CLSTN2: variants seen among roughly 807,000 people sequenced by gnomAD.
The protein encoded by CLSTN2 is calsyntenin-2.
In CLSTN2, 48 loss-of-function variants were observed where a neutral mutation model predicts 101.2. That is an observed-to-expected ratio of 0.47 (90% CI 0.38 to 0.60). CLSTN2 has a LOEUF of 0.60. Ranked by LOEUF, CLSTN2 falls within the 20% of genes least tolerant of loss-of-function variation. CLSTN2 has a pLI of 0.00. For synonymous variants in CLSTN2, 481 were observed against 463.6 expected (o/e 1.04, Z -0.48); for missense variants, 1,160 against 1,238.2 (o/e 0.94, Z 0.95).
intron 8 of CLSTN2, among the ~76,000 whole-genome samples, chr3:140,530,804 G>T (rs990766489): frequency 2.0e-5 from 3 of 152,160 alleles, no homozygotes; most frequent in East Asian, 1.9e-4. Context: ...TATGGTCAGG[G>T]TTACCTCACT....
At chr3:140,451,166 G>C (rs1933239677) in intron 6 of CLSTN2, among the ~76,000 whole-genome samples, 1 of 152,214 alleles carries the variant, frequency 6.6e-6, no homozygotes, top group African/African-American at 2.4e-5. Context: ...CTCCAGGTTA[G>C]GAAGAGATGA....
chr3:140,297,399 G>A (rs1025627654), intron 2 of CLSTN2, among the ~76,000 whole-genome samples: 1 of 152,142 alleles, frequency 6.6e-6, no homozygotes, highest in Non-Finnish European at 1.5e-5. Context: ...TAACGTAAAT[G>A]CCTTTGTTAC....
chr3:140,449,629 C>T (rs1049883921), intron 6 of CLSTN2: 3 of 152,132 alleles, frequency 2.0e-5, no homozygotes, highest in South Asian at 2.1e-4. Context: ...TGTCAACTGT[C>T]GTGGTGCTGG....
intron 2 of CLSTN2, among the ~76,000 whole-genome samples, chr3:140,314,036 T>A (rs2087203428): frequency 6.6e-6 from 1 of 151,866 alleles, no homozygotes. Context: ...TGACTGGGAG[T>A]TTTGACAGCA....
chr3:139,964,134 T>G (rs1383845539), intron 1 of CLSTN2, among the ~76,000 whole-genome samples: 4 of 152,202 alleles, frequency 2.6e-5, no homozygotes, highest in African/African-American at 9.7e-5. Context: ...TAAAATGTAA[T>G]TAGTATTTAT....
chr3:140,465,224 C>G (rs74850419), intron 7 of CLSTN2, among the ~76,000 whole-genome samples: 13,748 of 152,212 alleles, frequency 0.09, 793 homozygotes, highest in Middle Eastern at 0.15. Context: ...GTATCTAAGG[C>G]CTGGCTCCTT....
chr3:140,004,996 G>T (rs2006924972), intron 1 of CLSTN2, among the ~76,000 whole-genome samples: 1 of 152,178 alleles, frequency 6.6e-6, no homozygotes, highest in African/African-American at 2.4e-5. Context: ...GCATTAGGTG[G>T]TCTCTGTCTC....
chr3:140,315,450 T>C (rs777595569), intron 2 of CLSTN2, among the ~76,000 whole-genome samples: 48 of 152,336 alleles, frequency 3.2e-4, no homozygotes, highest in Admixed American at 7.2e-4. Context: ...CCAATCCATG[T>C]TAATTGAATT....
chr3:140,358,723 C>G (rs755535032), intron 2 of CLSTN2, among the ~76,000 whole-genome samples: 4 of 152,126 alleles, frequency 2.6e-5, no homozygotes, highest in Non-Finnish European at 4.4e-5. Context: ...AATGCCCCCA[C>G]CTCTTCACTC....
intron 2 of CLSTN2, among the ~76,000 whole-genome samples, chr3:140,201,433 A>T (rs2010716452): frequency 6.6e-6 from 1 of 152,104 alleles, no homozygotes; most frequent in Non-Finnish European, 1.5e-5. Flanking sequence ...AGAGAAGAGC[A>T]CTGGGACAAA....
intron 2 of CLSTN2, among the ~76,000 whole-genome samples, chr3:140,224,518 C>A (rs1206076277): frequency 1.3e-5 from 2 of 152,142 alleles, no homozygotes; most frequent in East Asian, 3.9e-4. Flanking sequence ...CATGTGCGTG[C>A]AGGCTTTATA....
chr3:139,987,188 A>T (rs1423526656), intron 1 of CLSTN2, among the ~76,000 whole-genome samples: 1 of 152,188 alleles, frequency 6.6e-6, no homozygotes, highest in Non-Finnish European at 1.5e-5. Context: ...TATAACTTAA[A>T]AAGATAGTAA....
intron 1 of CLSTN2, among the ~76,000 whole-genome samples, chr3:139,948,758 A>G (rs1363650636): frequency 6.6e-6 from 1 of 152,190 alleles, no homozygotes; most frequent in Non-Finnish European, 1.5e-5. Flanking sequence ...AGATACACAC[A>G]CACAGTCACT....
chr3:139,985,676 G>A (rs1936011117), intron 1 of CLSTN2, among the ~76,000 whole-genome samples: 2 of 152,186 alleles, frequency 1.3e-5, no homozygotes, highest in South Asian at 4.1e-4. Flanking sequence ...TTGAAACAGA[G>A]ACTTAGGCAC....
intron 1 of CLSTN2, among the ~76,000 whole-genome samples, chr3:140,060,455 A>T (rs748242939): frequency 2.6e-5 from 4 of 152,206 alleles, no homozygotes; most frequent in Non-Finnish European, 5.9e-5. Context: ...CACAAGGGTA[A>T]GGGTGGGCTT....
At chr3:140,100,977 C>G (rs1002301638) in intron 1 of CLSTN2, among the ~76,000 whole-genome samples, 1 of 152,110 alleles carries the variant, frequency 6.6e-6, no homozygotes, top group African/African-American at 2.4e-5. Context: ...TCACTACAGG[C>G]CTGTGTGCAA....
intron 10 of CLSTN2, among the ~76,000 whole-genome samples, chr3:140,555,859 C>T (rs563261856): frequency 1.3e-5 from 2 of 152,216 alleles, no homozygotes; most frequent in South Asian, 2.1e-4. Flanking sequence ...GCTACATGGC[C>T]TTTGGCAAGT....
At chr3:140,441,921 G>A (rs2088772761) in intron 5 of CLSTN2, among the ~76,000 whole-genome samples, 1 of 152,174 alleles carries the variant, frequency 6.6e-6, no homozygotes. Context: ...CATGGCAGCT[G>A]CTGGGTTGTA....
intron 8 of CLSTN2, among the ~76,000 whole-genome samples, chr3:140,510,167 A>T (rs1456659710): frequency 6.6e-6 from 1 of 152,226 alleles, no homozygotes; most frequent in Non-Finnish European, 1.5e-5. Flanking sequence ...TTAGTACTCA[A>T]AGTACAGTCT....
Sources: allele counts gnomAD v4.1 joint callset (sites outside exome capture counted in the v4.1 genomes callset), GRCh38; gene constraint gnomAD v4.1.1; transcripts MANE v1.5; gene names NCBI Gene and HGNC (gene_info 2026-07-23, HGNC 2026-07-21).